Variants in AHCYL2 observed in about 807,000 individuals in gnomAD.
The protein encoded by AHCYL2 is S-adenosylhomocysteine hydrolase-like protein 2.
A neutral mutation model predicts 81.4 loss-of-function variants in AHCYL2; 28 were observed. The ratio of observed to expected loss-of-function variants is 0.34; its 90% confidence interval spans 0.25 to 0.47. The LOEUF is 0.47. Ranked by LOEUF, AHCYL2 falls within the 20% of genes least tolerant of loss-of-function variation. AHCYL2 has a pLI of 1.00. For synonymous variants in AHCYL2, 272 were observed against 290.2 expected (o/e 0.94, Z 0.64); for missense variants, 551 against 785.1 (o/e 0.70, Z 3.56).
chr7:129,327,806 T>G (rs531195110), intron 1 of AHCYL2, among the ~76,000 whole-genome samples: 1 of 149,694 alleles, frequency 6.7e-6, no homozygotes, highest in African/African-American at 2.5e-5. Context: ...TATTATTATT[T>G]TTTTTCAGAC....
intron 1 of AHCYL2, among the ~76,000 whole-genome samples, chr7:129,246,121 C>T (rs1348563080): frequency 3.3e-5 from 5 of 150,596 alleles, no homozygotes; most frequent in Admixed American, 2.0e-4. Context: ...TGCAATGATG[C>T]GATCTTGGCT....
intron 1 of AHCYL2, among the ~76,000 whole-genome samples, chr7:129,252,042 T>G (rs369010482): frequency 6.6e-6 from 1 of 152,224 alleles, no homozygotes; most frequent in Non-Finnish European, 1.5e-5. Context: ...TGGCACATGA[T>G]AAGTTCATAA....
Position 129,368,123 on chromosome 7 carries a change from A to G in AHCYL2, c.364-11515A>G. On this transcript the variant is annotated intron_variant, in intron 1 of 16. Transcript: ENST00000325006. This position sits in a 1 kb window ranked among gnomAD's most constrained non-coding sequence, Gnocchi z 4.4. The stretch of plus-strand genomic sequence containing the variant: ...ATTCACAAGTGCCTCACACACAGGG[A>G]AAGAAGGAAGTCCAACTATTGCTGC... 9.7e-7 allele frequency: 1 copy of G among 1,034,144 alleles called. No individual in the cohort carries two copies. The highest frequency in any genetic ancestry group is 1.2e-6 in the Non-Finnish European group (1 of 860,882). The allele number at this position is 1,034,144 out of a possible 1,614,324, so 64.1% of individuals were successfully genotyped here.
chr7:129,313,800 C>A (rs1378036615), intron 1 of AHCYL2, among the ~76,000 whole-genome samples: 1 of 152,134 alleles, frequency 6.6e-6, no homozygotes, highest in African/African-American at 2.4e-5. Context: ...GGAATACTTT[C>A]TTTTCCATTT....
At chr7:129,372,022 A>C (rs1336540600) in intron 1 of AHCYL2, among the ~76,000 whole-genome samples, 1 of 152,196 alleles carries the variant, frequency 6.6e-6, no homozygotes, top group East Asian at 1.9e-4. Flanking sequence ...TTAAAACAGA[A>C]AGCCATTTGA....
chr7:129,417,898 G>A (rs932962906), intron 12 of AHCYL2, among the ~76,000 whole-genome samples: 2 of 152,174 alleles, frequency 1.3e-5, no homozygotes, highest in Non-Finnish European at 2.9e-5. Context: ...GAAATAGATT[G>A]TTATTGTTAG....
At chr7:129,339,701 A>ATT (rs879264966) in intron 1 of AHCYL2, among the ~76,000 whole-genome samples, 1 of 144,674 alleles carries the variant, frequency 6.9e-6, no homozygotes, top group African/African-American at 2.5e-5. Context: ...CTTGCTAATT[A>ATT]TTTTTTTTTT....
At chr7:129,325,432 TC>T (rs1256950952) in intron 1 of AHCYL2, among the ~76,000 whole-genome samples, 1 of 152,200 alleles carries the variant, frequency 6.6e-6, no homozygotes, top group Non-Finnish European at 1.5e-5. Flanking sequence ...TGGGGTTTTT[TC>T]CCCTCTCGAT....
At chr7:129,425,868 T>A (rs1215268381) in intron 15 of AHCYL2, among the ~76,000 whole-genome samples, 1 of 152,234 alleles carries the variant, frequency 6.6e-6, no homozygotes, top group Admixed American at 6.5e-5. Flanking sequence ...TCTGACAGAA[T>A]GTATAATGAA....
intron 1 of AHCYL2, among the ~76,000 whole-genome samples, chr7:129,341,462 G>T (rs1364848369): frequency 2.0e-5 from 3 of 152,156 alleles, no homozygotes; most frequent in Non-Finnish European, 4.4e-5. Context: ...GAGAACTTCT[G>T]TGTCTGCTTT....
Position 129,426,406 on chromosome 7 carries a change from T to G in AHCYL2, c.1709-37T>G. 1 of 1,614,006 alleles carries G rather than the reference T, an allele frequency of 6.2e-7. No homozygotes were observed. Among genetic ancestry groups the G allele is most frequent in the African/African-American group, 1.3e-5 (1 of 75,038 alleles). Reference sequence around the variant, plus strand: ...GACAATAGCCATCAGATAAAAGGCATGAATGCTTATACCAGGGCTTCTGTG... The same window carrying G: ...GACAATAGCCATCAGATAAAAGGCAGGAATGCTTATACCAGGGCTTCTGTG... On this transcript the variant is annotated intron_variant, in intron 15 of 16. Transcript: ENST00000325006. This position sits in a 1 kb window ranked among gnomAD's most constrained non-coding sequence, Gnocchi z 4.3.
At chr7:129,248,654 C>T (rs1245231572) in intron 1 of AHCYL2, among the ~76,000 whole-genome samples, 1 of 143,050 alleles carries the variant, frequency 7.0e-6, no homozygotes, top group African/African-American at 2.6e-5. Flanking sequence ...TTTTGGGTAT[C>T]CAAGTCCTTT....
intron 1 of AHCYL2, among the ~76,000 whole-genome samples, chr7:129,233,528 C>T (rs1363078365): frequency 6.6e-6 from 1 of 151,982 alleles, no homozygotes; most frequent in Non-Finnish European, 1.5e-5. Context: ...TTGCTCTGTC[C>T]CCAGGCTGGA....
intron 1 of AHCYL2, among the ~76,000 whole-genome samples, chr7:129,251,280 TG>T (rs1795239523): frequency 1.3e-5 from 2 of 152,206 alleles, no homozygotes; most frequent in South Asian, 4.1e-4. Flanking sequence ...ATGTGTGTCT[TG>T]TTCACTGTAT....
intron 1 of AHCYL2, among the ~76,000 whole-genome samples, chr7:129,304,409 G>A (rs1327667443): frequency 6.6e-6 from 1 of 152,204 alleles, no homozygotes; most frequent in Non-Finnish European, 1.5e-5. Context: ...TTGGTTTGTA[G>A]TGCAGATTAA....
At chr7:129,307,386 C>T (rs1349170660) in intron 1 of AHCYL2, among the ~76,000 whole-genome samples, 1 of 152,114 alleles carries the variant, frequency 6.6e-6, no homozygotes, top group Admixed American at 6.5e-5. Flanking sequence ...ATGTCCACCA[C>T]CACCACCACA....
intron 1 of AHCYL2, among the ~76,000 whole-genome samples, chr7:129,258,247 C>G (rs1342645020): frequency 1.6e-5 from 2 of 125,622 alleles, no homozygotes; most frequent in Non-Finnish European, 3.4e-5. Context: ...TTTTTTTTTG[C>G]CTTTAAAAGG....
At chr7:129,280,470 T>G (rs1241684258) in intron 1 of AHCYL2, among the ~76,000 whole-genome samples, 2 of 152,116 alleles carry the variant, frequency 1.3e-5, no homozygotes, top group Non-Finnish European at 2.9e-5. Flanking sequence ...TGCTCGGCCC[T>G]AAATTTGCTA....
intron 1 of AHCYL2, among the ~76,000 whole-genome samples, chr7:129,363,860 C>G (rs1159497227): frequency 6.6e-6 from 1 of 151,572 alleles, no homozygotes; most frequent in Non-Finnish European, 1.5e-5. Flanking sequence ...AATCTTGTTT[C>G]TCTAAAAGTC....
Sources: allele counts gnomAD v4.1 joint callset (sites outside exome capture counted in the v4.1 genomes callset), GRCh38; gene constraint gnomAD v4.1.1; non-coding constraint Gnocchi (gnomAD v3.1); transcripts MANE v1.5; gene names NCBI Gene and HGNC (gene_info 2026-07-23, HGNC 2026-07-21).